The following XRN1 variants were observed in gnomAD, a reference collection of about 807,000 sequenced individuals.
XRN1 encodes 5'-3' exoribonuclease 1, also known as strand-exchange protein 1 homolog.
In XRN1, 67 loss-of-function variants were observed where a neutral mutation model predicts 222.3. The ratio of observed to expected loss-of-function variants is 0.30; its 90% CI spans 0.25 to 0.37. The LOEUF is 0.37. Ranked by LOEUF, XRN1 falls within the 10% of genes least tolerant of loss-of-function variation. XRN1 has a pLI of 1.00. For missense variants in XRN1, 1,707 were observed against 2,000.2 expected (o/e 0.85, Z 2.80); for synonymous variants, 643 against 652.4 (o/e 0.99, Z 0.22).
At chr3:142,383,544 G>C in intron 21 of XRN1, 131 bp from the exon 22 acceptor site, 1 of 746,452 alleles carries the variant, frequency 1.3e-6, no homozygotes, top group Non-Finnish European at 2.2e-6. Context: ...AATGCCAAGA[G>C]CTAAAATTTG....
chr3:142,362,086 A>C (rs1213004248), intron 29 of XRN1, among the ~76,000 whole-genome samples: 16 of 148,490 alleles, frequency 1.1e-4, no homozygotes, highest in African/African-American at 3.8e-4. Context: ...CTCCTGCCTC[A>C]GCCTCCTGAG....
At chr3:142,392,040 C>T (rs1398945481) in intron 20 of XRN1, among the ~76,000 whole-genome samples, 1 of 152,060 alleles carries the variant, frequency 6.6e-6, no homozygotes, top group Non-Finnish European at 1.5e-5. Context: ...CCTTTTCACT[C>T]CATTTTATCC....
rs569214273 is a variant in XRN1, at chr3:142,360,558, T to A, written c.3395-627A>T. The stretch of plus-strand genomic sequence containing the variant: ...GCTGAGTCTTAGGGCATGTACTTTT[T>A]TAAAAAAAAAAAACAGTCTTACTGG... On this transcript the variant is annotated intron_variant, in intron 29 of 40. Coordinates refer to ENST00000392981, the MANE Select transcript of XRN1 (RefSeq NM_001282857.2). Among the ~76,000 whole-genome samples, 412 of 149,408 alleles carry A rather than the reference T, an allele frequency of 2.8e-3. 6 individuals carry two copies. Among genetic ancestry groups the A allele is most frequent in the African/African-American group, 9.5e-3 (387 of 40,874 alleles).
chr3:142,443,864 T>C (rs2070370915), intron 1 of XRN1, among the ~76,000 whole-genome samples: 1 of 152,194 alleles, frequency 6.6e-6, no homozygotes, highest in South Asian at 2.1e-4. Flanking sequence ...ATAAAGAAAA[T>C]GTGGTATATA....
At chr3:142,414,453 G>C in intron 13 of XRN1, 162 bp from the exon 14 acceptor site, 1 of 496,158 alleles carries the variant, frequency 2.0e-6, no homozygotes, top group East Asian at 3.7e-5. Context: ...AGCAGTGTTG[G>C]AAAATTTAGG....
At chr3:142,418,754 A>C (rs914683467) in intron 11 of XRN1, 61 bp downstream of exon 11, 2 of 1,561,444 alleles carry the variant, frequency 1.3e-6, no homozygotes, top group Non-Finnish European at 1.8e-6. Context: ...ATAATAAATA[A>C]AAGGTATAAC....
intron 31 of XRN1, among the ~76,000 whole-genome samples, chr3:142,355,985 A>G (rs953301066): frequency 6.6e-6 from 1 of 152,170 alleles, no homozygotes; most frequent in African/African-American, 2.4e-5. Context: ...AGTAATCACA[A>G]AAGTATTCTA....
At chr3:142,329,690 T>C in intron 36 of XRN1, 75 bp from the exon 37 acceptor site, 1 of 1,401,898 alleles carries the variant, frequency 7.1e-7, no homozygotes, top group Non-Finnish European at 9.4e-7. Flanking sequence ...TGTAGGGTTT[T>C]ATAGAAGAGC....
intron 21 of XRN1, 149 bp from the exon 22 acceptor site, chr3:142,383,562 G>A: frequency 3.0e-6 from 2 of 667,614 alleles, no homozygotes; most frequent in Non-Finnish European, 5.2e-6. Flanking sequence ...TTGTTGACTG[G>A]TTATATGGCA....
In XRN1 at chr3:142,412,745, CTCA is replaced by C. The variant is rs533020328; in HGVS notation, c.1594-85_1594-83del. On this transcript the variant is annotated intron_variant, in intron 14 of 40. Transcript: ENST00000392981. ...TTTGTTAATGTATTTATAATATTTC[CTCA>C]TGTTAGTTTAAAATTTCTAAGCAAA... is the stretch of plus-strand genomic sequence containing the variant. The C allele has an allele frequency of 3.2e-4, 366 of 1,145,850 alleles. 1 individual carries two copies. The African/African-American group carries it at 5.4e-3, about 17-fold the overall frequency. 71.0% of individuals were successfully genotyped at this position (1,145,850 alleles called of 1,614,324 possible).
In XRN1 at chr3:142,308,402, A is replaced by G. The variant is rs191142202; in HGVS notation, c.*3109T>C. The G allele has an allele frequency of 2.3e-3, 352 of 152,326 alleles. No homozygotes were observed. The highest frequency in any genetic ancestry group is 8.1e-3 in the African/African-American group (336 of 41,578). The allele number at this position is 152,326 out of a possible 1,614,324, so 9.4% of individuals were successfully genotyped here. ...AGAAAGAAACAATAAAAAAACTTGC[A>G]TCAATAGTTCTTCATTCCTCCACCA... is the stretch of plus-strand genomic sequence containing the variant. On this transcript the variant is annotated 3_prime_UTR_variant, in exon 41 of 41. Coordinates refer to ENST00000392981, the MANE Select transcript of XRN1 (RefSeq NM_001282857.2).
At chr3:142,384,474 GTAT>G (rs1379584892) in intron 21 of XRN1, 46 bp downstream of exon 21, 6 of 1,461,038 alleles carry the variant, frequency 4.1e-6, no homozygotes, top group African/African-American at 1.4e-5. Flanking sequence ...AGTGAATAGT[GTAT>G]TAATAGTGTA....
Position 142,404,892 on chromosome 3 carries a change from A to G in XRN1, c.1883+15T>C. On this transcript the variant is annotated intron_variant, in intron 16 of 40. Coordinates refer to ENST00000392981, the MANE Select transcript of XRN1 (RefSeq NM_001282857.2). ...AGCGCTCTTTTGTTGTTGAAAAATTACCAAGTAACATTACCTTGTACAACA... is the reference window on the plus strand; with the variant it reads ...AGCGCTCTTTTGTTGTTGAAAAATTGCCAAGTAACATTACCTTGTACAACA... The G allele has an allele frequency of 6.2e-7, 1 of 1,613,322 alleles. No individual in the cohort carries two copies. Among genetic ancestry groups the G allele is most frequent in the Non-Finnish European group, 8.5e-7 (1 of 1,179,676 alleles).
intron 29 of XRN1, among the ~76,000 whole-genome samples, chr3:142,362,056 C>G (rs1229619075): frequency 1.3e-5 from 2 of 148,214 alleles, no homozygotes; most frequent in Admixed American, 1.4e-4. Context: ...GCAACCTCCA[C>G]CTCCTGTGTT....
chr3:142,426,981 G>T, intron 2 of XRN1, 140 bp from the exon 3 acceptor site: 1 of 628,274 alleles, frequency 1.6e-6, no homozygotes, highest in Non-Finnish European at 2.7e-6. Context: ...GTTTTGAAAT[G>T]ATTATGATTG....
intron 14 of XRN1, among the ~76,000 whole-genome samples, chr3:142,413,364 A>T (rs2068660702): frequency 6.6e-6 from 1 of 152,216 alleles, no homozygotes; most frequent in South Asian, 2.1e-4. Context: ...AGCGTATTGT[A>T]TCCAAAGGCA....
chr3:142,390,035 T>C (rs1305149461), intron 20 of XRN1, among the ~76,000 whole-genome samples: 2 of 152,216 alleles, frequency 1.3e-5, no homozygotes, highest in African/African-American at 2.4e-5. Flanking sequence ...CTATGACCAG[T>C]AGGTCTCAAG....
intron 33 of XRN1, among the ~76,000 whole-genome samples, chr3:142,345,246 T>G (rs1023372097): frequency 1.3e-5 from 2 of 152,188 alleles, no homozygotes; most frequent in Non-Finnish European, 2.9e-5. Flanking sequence ...AAATAATTTT[T>G]GACAAGGGTG....
intron 33 of XRN1, among the ~76,000 whole-genome samples, chr3:142,345,486 G>A (rs916363821): frequency 6.6e-6 from 1 of 152,112 alleles, no homozygotes; most frequent in African/African-American, 2.4e-5. Context: ...TTTGGATTAG[G>A]GAATGGTTTC....
Sources: gnomAD v4.1 joint callset for allele counts (sites outside exome capture counted in the v4.1 genomes callset) on GRCh38, gnomAD v4.1.1 for gene constraint, MANE v1.5 for transcripts, NCBI Gene and HGNC (gene_info 2026-07-23, HGNC 2026-07-21) for gene names.